The following DDX60 variants were observed in gnomAD, a reference collection of about 807,000 sequenced individuals.
DDX60 encodes DExD/H-box helicase 60.
DDX60 carries 165 observed loss-of-function variants against 212.8 expected under a neutral mutation model. The observed-to-expected ratio is 0.78, with a 90% CI of 0.68 to 0.88. The LOEUF (loss-of-function observed/expected upper bound fraction) is 0.88, where lower values mean the gene tolerates loss of function less well. Ranked by LOEUF, DDX60 falls within the 40% of genes least tolerant of loss-of-function variation. The pLI, the probability that DDX60 is intolerant of heterozygous loss-of-function variation, is 0.00. For synonymous variants in DDX60, 703 were observed against 685.3 expected (o/e 1.03, Z -0.40); for missense variants, 1,905 against 2,003.9 (o/e 0.95, Z 0.94).
intron 21 of DDX60, 73 bp downstream of exon 21, chr4:168,267,768 G>T: frequency 6.5e-7 from 1 of 1,541,686 alleles, no homozygotes; most frequent in Non-Finnish European, 8.8e-7. Flanking sequence ...ACGGCATCAA[G>T]ATCAAGGCAA....
chr4:168,306,764 T>C (rs780283511), intron 4 of DDX60, 44 bp from the exon 5 acceptor site: 6 of 1,415,524 alleles, frequency 4.2e-6, no homozygotes, highest in Admixed American at 3.8e-5. Context: ...AAAATTATCA[T>C]TTAATCATTT....
chr4:168,314,321 TCACACA>T (rs10687990), intron 1 of DDX60, among the ~76,000 whole-genome samples: 6 of 148,634 alleles, frequency 4.0e-5, no homozygotes, highest in Admixed American at 6.7e-5. Context: ...GATTGAACAC[TCACACA>T]CACACACACA....
the DDX60 span, among the ~76,000 whole-genome samples, chr4:168,325,574 A>G: frequency 6.6e-6 from 1 of 152,374 alleles, no homozygotes; most frequent in Non-Finnish European, 1.5e-5. Flanking sequence ...GAATACATTC[A>G]AACAAAACCA....
intron 13 of DDX60, 89 bp downstream of exon 13, chr4:168,283,357 T>C (rs1735676813): frequency 8.7e-7 from 1 of 1,155,432 alleles, no homozygotes; most frequent in Non-Finnish European, 1.2e-6. Flanking sequence ...AGGCATTATA[T>C]AAAAAGAAAC....
intron 32 of DDX60, 53 bp downstream of exon 32, chr4:168,237,233 G>A: frequency 8.1e-7 from 1 of 1,237,538 alleles, no homozygotes; most frequent in South Asian, 2.8e-5. Flanking sequence ...CTACAAATCT[G>A]TTGCTATTTT....
At chr4:168,229,285 G>A (rs905393029) in intron 33 of DDX60, among the ~76,000 whole-genome samples, 2 of 152,112 alleles carry the variant, frequency 1.3e-5, no homozygotes, top group African/African-American at 4.8e-5. Flanking sequence ...ATCTGGAATT[G>A]AGACAAATTT....
chr4:168,241,991 G>A (rs1733856577), intron 30 of DDX60, among the ~76,000 whole-genome samples: 1 of 152,148 alleles, frequency 6.6e-6, no homozygotes. Context: ...TTGCATCCCA[G>A]CTGCTCCCGC....
In DDX60 at chr4:168,246,480, G is replaced by A; in HGVS notation, c.4102C>T (p.Leu1368=). 1 of 1,614,034 alleles carries A rather than the reference G, an allele frequency of 6.2e-7. No individual in the cohort carries two copies. The highest frequency in any genetic ancestry group is 8.5e-7 in the Non-Finnish European group (1 of 1,179,974). ...GCCAGCAGCATGAGTCGCAGGACCA[G>A]GGTTATGCTGAGAGGGAAGTGTCCT... ...LRGHFPLSIT[L]VLRLMLLASK... Residue 1368 remains leucine (L), a synonymous_variant, in exon 30 of 38, where the codon CTG becomes TTG. Transcript: ENST00000393743.
intron 30 of DDX60, among the ~76,000 whole-genome samples, chr4:168,238,236 CA>C (rs57638327): frequency 0.099 from 8,022 of 80,922 alleles, 690 homozygotes; most frequent in African/African-American, 0.28. Context: ...TATGAAATTC[CA>C]AAAAAAAAAA....
chr4:168,241,598 C>G (rs1039263084), intron 30 of DDX60, among the ~76,000 whole-genome samples: 1 of 151,714 alleles, frequency 6.6e-6, no homozygotes. Context: ...TATGGAACTT[C>G]GAACTTGAGA....
Position 168,268,977 on chromosome 4 carries a change from A to G in DDX60, c.2671-8T>C. 7.1e-7 allele frequency: 1 copy of G among 1,412,940 alleles called. No homozygotes were observed. Among genetic ancestry groups the G allele is most frequent in the Non-Finnish European group, 9.4e-7 (1 of 1,058,202 alleles). The allele number at this position is 1,412,940 out of a possible 1,614,324, so 87.5% of individuals were successfully genotyped here. ...TCCACCAAGACAATGAACCTATTAA[A>G]CAAAAAAAAAAAAATCTCAACTGAA... On this transcript the variant is annotated splice_region_variant and splice_polypyrimidine_tract_variant and intron_variant, in intron 19 of 37. Coordinates refer to ENST00000393743, the MANE Select transcript of DDX60 (RefSeq NM_017631.6).
chr4:168,241,974 T>C (rs1341899115), intron 30 of DDX60, among the ~76,000 whole-genome samples: 1 of 152,194 alleles, frequency 6.6e-6, no homozygotes, highest in Non-Finnish European at 1.5e-5. Context: ...TCTAGGAACC[T>C]GGTGCCTTGC....
intron 3 of DDX60, among the ~76,000 whole-genome samples, chr4:168,310,116 T>C (rs1472642054): frequency 6.6e-6 from 1 of 152,184 alleles, no homozygotes; most frequent in African/African-American, 2.4e-5. Context: ...TGAGGGAGAC[T>C]GCTTTTCAAA....
intron 14 of DDX60, among the ~76,000 whole-genome samples, chr4:168,279,016 T>C (rs1002173819): frequency 2.0e-5 from 3 of 151,970 alleles, no homozygotes; most frequent in African/African-American, 7.3e-5. Context: ...TACACATTCA[T>C]AAAAGTCCAA....
chr4:168,262,609 G>A, intron 23 of DDX60, 74 bp downstream of exon 23: 3 of 963,112 alleles, frequency 3.1e-6, no homozygotes, highest in Non-Finnish European at 4.8e-6. Context: ...TTAGATGCCA[G>A]TGATTAGAAA....
intron 1 of DDX60, among the ~76,000 whole-genome samples, chr4:168,312,463 G>C (rs999396130): frequency 6.6e-6 from 1 of 152,094 alleles, no homozygotes; most frequent in Non-Finnish European, 1.5e-5. Context: ...AGCATCATGG[G>C]AGAAGAGTAC....
intron 7 of DDX60, among the ~76,000 whole-genome samples, chr4:168,292,896 T>G (rs1470143295): frequency 6.6e-6 from 1 of 152,188 alleles, no homozygotes. Flanking sequence ...TGTCTAGTTA[T>G]GAAGAAATGT....
At chr4:168,278,679 A>G (rs897043748) in intron 14 of DDX60, among the ~76,000 whole-genome samples, 1 of 152,174 alleles carries the variant, frequency 6.6e-6, no homozygotes, top group Non-Finnish European at 1.5e-5. Flanking sequence ...AAATACAAAA[A>G]TTAGCTGGGC....
At chr4:168,296,409 C>A (rs1349152125) in intron 6 of DDX60, among the ~76,000 whole-genome samples, 1 of 151,826 alleles carries the variant, frequency 6.6e-6, no homozygotes, top group African/African-American at 2.4e-5. Flanking sequence ...AAGAAGTATC[C>A]TTTGGCAATT....
Sources: allele counts gnomAD v4.1 joint callset (sites outside exome capture counted in the v4.1 genomes callset), GRCh38; gene constraint gnomAD v4.1.1; transcripts MANE v1.5; gene names NCBI Gene and HGNC (gene_info 2026-07-23, HGNC 2026-07-21).